CGGBP1: variants seen among roughly 807,000 people sequenced by gnomAD.
The protein encoded by CGGBP1 is CGG triplet repeat binding protein 1.
Under a neutral mutation model 11.4 loss-of-function variants are expected in CGGBP1, and 4 were observed. The ratio of observed to expected loss-of-function variants is 0.35; its 90% CI spans 0.17 to 0.80. The LOEUF is 0.80. CGGBP1 is among the 30% of genes least tolerant of loss of function. CGGBP1 has a pLI of 0.52. For missense variants in CGGBP1, 135 were observed against 202.1 expected (o/e 0.67, Z 2.01); for synonymous variants, 76 against 74.1 (o/e 1.03, Z -0.13).
At chr3:88,145,829 A>C (rs1482985835) in intron 1 of CGGBP1, among the ~76,000 whole-genome samples, 1 of 152,186 alleles carries the variant, frequency 6.6e-6, no homozygotes, top group African/African-American at 2.4e-5. Flanking sequence ...GTCACAACTC[A>C]AGGGTAAATA....
chr3:88,056,149 C>T, intron 3 of CGGBP1, 150 bp from the exon 4 acceptor site: 1 of 587,698 alleles, frequency 1.7e-6, no homozygotes, highest in Non-Finnish European at 2.8e-6. Context: ...CTTAACTTAC[C>T]TGAAATATAT....
At chr3:88,139,224 C>T in intron 2 of CGGBP1, 1 of 1,477,350 alleles carries the variant, frequency 6.8e-7, no homozygotes, top group Non-Finnish European at 9.0e-7. Context: ...ATCTGGAGTG[C>T]AGCCTAAAGG....
intron 2 of CGGBP1, among the ~76,000 whole-genome samples, chr3:88,130,617 A>ATGT (rs558725158): frequency 4.6e-5 from 6 of 129,206 alleles, no homozygotes; most frequent in Admixed American, 8.1e-5. Flanking sequence ...TGCCCAGCTA[A>ATGT]TTTTTTTTTT....
chr3:88,065,537 C>G (rs1343791866), intron 2 of CGGBP1, among the ~76,000 whole-genome samples: 1 of 152,010 alleles, frequency 6.6e-6, no homozygotes, highest in Admixed American at 6.6e-5. Context: ...GTGATTTCAC[C>G]TTTGTAAATA....
At chr3:88,129,639 C>G (rs1706329680) in intron 2 of CGGBP1, 1 of 1,317,552 alleles carries the variant, frequency 7.6e-7, no homozygotes, top group Non-Finnish European at 9.9e-7. Flanking sequence ...CAACTAGCTT[C>G]TTAGATATTT....
chr3:88,103,777 T>C (rs1276570036), intron 2 of CGGBP1, among the ~76,000 whole-genome samples: 1 of 148,336 alleles, frequency 6.7e-6, no homozygotes, highest in African/African-American at 2.5e-5. Flanking sequence ...TTTTTTTTTT[T>C]TTTTTTTGAG....
chr3:88,099,585 C>A (rs533961852), intron 2 of CGGBP1, among the ~76,000 whole-genome samples: 48 of 152,246 alleles, frequency 3.2e-4, no homozygotes, highest in African/African-American at 1.1e-3. Context: ...TACTACAAGG[C>A]TACAGTAACC....
chr3:88,076,401 G>A (rs1707803038), intron 2 of CGGBP1, among the ~76,000 whole-genome samples: 1 of 151,866 alleles, frequency 6.6e-6, no homozygotes, highest in Non-Finnish European at 1.5e-5. Context: ...TTTAAGTACA[G>A]TTACTTCTGA....
In CGGBP1 at chr3:88,053,535, T is replaced by C. The variant is rs1340720665; in HGVS notation, c.*1938A>G. On this transcript the variant is annotated 3_prime_UTR_variant, in exon 4 of 4. Transcript: ENST00000482016. ...ATGCAACATCATCCAGTTTACTGCT[T>C]AGGACCACTCTCAAAGCTGATCTGC... 1 of 152,230 alleles carries C rather than the reference T, an allele frequency of 6.6e-6. No individual in the cohort carries two copies. Among genetic ancestry groups the C allele is most frequent in the Non-Finnish European group, 1.5e-5 (1 of 67,976 alleles). The allele number at this position is 152,230 out of a possible 1,614,324, so 9.4% of individuals were successfully genotyped here.
intron 2 of CGGBP1, among the ~76,000 whole-genome samples, chr3:88,114,999 T>C (rs145159559): frequency 8.9e-4 from 136 of 152,350 alleles, no homozygotes; most frequent in Admixed American, 3.6e-3. Context: ...AGCTCCGCAG[T>C]GGTTCTTCTC....
chr3:88,129,084 C>T, intron 2 of CGGBP1: 1 of 1,084,096 alleles, frequency 9.2e-7, no homozygotes, highest in Non-Finnish European at 1.3e-6. Context: ...AAAAAGTAGC[C>T]CACTGTTGTT....
chr3:88,148,239 C>T (rs141238833), intron 1 of CGGBP1, among the ~76,000 whole-genome samples: 4 of 152,282 alleles, frequency 2.6e-5, no homozygotes, highest in African/African-American at 9.6e-5. Flanking sequence ...TAGTTTCTTA[C>T]ATGTTTACTG....
chr3:88,134,684 G>A (rs543951324), intron 2 of CGGBP1, among the ~76,000 whole-genome samples: 2 of 152,124 alleles, frequency 1.3e-5, no homozygotes, highest in South Asian at 4.1e-4. Context: ...TTTATAGAGA[G>A]TCTACAACAT....
At chr3:88,095,760 A>G (rs902957619) in intron 2 of CGGBP1, 3 of 398,976 alleles carry the variant, frequency 7.5e-6, no homozygotes, top group Non-Finnish European at 1.4e-5. Flanking sequence ...CTCCTTCATC[A>G]TCTTAAACTT....
At chr3:88,062,835 C>A (rs1308357831), upstream of CGGBP1, among the ~76,000 whole-genome samples, 2 of 152,228 alleles carry the variant, frequency 1.3e-5, no homozygotes, top group East Asian at 3.9e-4. Context: ...GTACGTAGCA[C>A]ACAGATAGAC....
intron 2 of CGGBP1, among the ~76,000 whole-genome samples, chr3:88,087,091 G>GT (rs1181433169): frequency 1.3e-5 from 2 of 150,008 alleles, no homozygotes; most frequent in African/African-American, 2.5e-5. Flanking sequence ...CCATTGTTTT[G>GT]TTTTTTTGAG....
intron 2 of CGGBP1, chr3:88,126,169 G>T: frequency 6.6e-7 from 1 of 1,521,362 alleles, no homozygotes; most frequent in Non-Finnish European, 8.8e-7. Flanking sequence ...ATGGAAATGT[G>T]AATCTGGAAC....
chr3:88,086,150 C>A, intron 2 of CGGBP1: 2 of 984,324 alleles, frequency 2.0e-6, no homozygotes, highest in Non-Finnish European at 2.9e-6. Context: ...CACCTGTGTT[C>A]ATGCCGATCT....
At chr3:88,079,566 G>A (rs1235064546) in intron 2 of CGGBP1, among the ~76,000 whole-genome samples, 2 of 151,980 alleles carry the variant, frequency 1.3e-5, no homozygotes, top group Non-Finnish European at 2.9e-5. Flanking sequence ...TGTCATTTGA[G>A]ATTGTGAATT....
Sources: gnomAD v4.1 joint callset for allele counts (sites outside exome capture counted in the v4.1 genomes callset) on GRCh38, gnomAD v4.1.1 for gene constraint, MANE v1.5 for transcripts, NCBI Gene and HGNC (gene_info 2026-07-23, HGNC 2026-07-21) for gene names.